The following THSD7B variants were observed in gnomAD, a reference collection of about 807,000 sequenced individuals.
THSD7B encodes the protein thrombospondin type 1 domain containing 7B.
Under a neutral mutation model 213.6 loss-of-function variants are expected in THSD7B, and 138 were observed. The ratio of observed to expected loss-of-function variants is 0.65; its 90% CI spans 0.56 to 0.74. THSD7B has a LOEUF of 0.74. THSD7B is among the 30% of genes least tolerant of loss of function. THSD7B has a pLI of 0.00. For missense variants in THSD7B, 1,931 were observed against 1,991.5 expected (o/e 0.97, Z 0.58); for synonymous variants, 742 against 687.0 (o/e 1.08, Z -1.25).
intron 15 of THSD7B, among the ~76,000 whole-genome samples, chr2:137,497,922 T>C (rs762679069): frequency 6.6e-6 from 1 of 152,198 alleles, no homozygotes; most frequent in Non-Finnish European, 1.5e-5. Flanking sequence ...ATTTTTCTAT[T>C]AAAATGAAGC....
intron 14 of THSD7B, among the ~76,000 whole-genome samples, chr2:137,444,010 C>A (rs926667711): frequency 2.6e-5 from 4 of 151,794 alleles, no homozygotes; most frequent in Non-Finnish European, 5.9e-5. Context: ...ATTATTTTGT[C>A]GATGCTGATG....
intron 1 of THSD7B, among the ~76,000 whole-genome samples, chr2:136,774,410 C>CT: frequency 6.6e-6 from 1 of 152,126 alleles, no homozygotes; most frequent in East Asian, 1.9e-4. Context: ...ATCTGAAGGT[C>CT]TTTTCTCAAG....
rs1055275282 is a variant in THSD7B, at chr2:137,264,814, AT to A, written c.2267-7711del. On this transcript the variant is annotated intron_variant, in intron 10 of 27. Transcript: ENST00000409968. The stretch of plus-strand genomic sequence containing the variant: ...AAAAGAGCCTTCTTTTTTTTTTTAA[AT>A]TTTTTTTATTTTTTATTTATTATTA... Among the ~76,000 whole-genome samples, 4 of 149,722 alleles carry A rather than the reference AT, an allele frequency of 2.7e-5. 1 individual carries two copies. Among genetic ancestry groups the A allele is most frequent in the Non-Finnish European group, 4.5e-5 (3 of 67,400 alleles).
At chr2:137,637,604 T>A (rs889595156) in intron 20 of THSD7B, among the ~76,000 whole-genome samples, 1 of 152,234 alleles carries the variant, frequency 6.6e-6, no homozygotes. Context: ...AGAAACCATA[T>A]GGCTGTGCTT....
intron 1 of THSD7B, among the ~76,000 whole-genome samples, chr2:136,833,458 G>GT (rs201421518): frequency 0.012 from 958 of 79,196 alleles, 7 homozygotes; most frequent in Middle Eastern, 0.056. Flanking sequence ...GCAATTAACT[G>GT]TTTGGTACTT....
intron 1 of THSD7B, among the ~76,000 whole-genome samples, chr2:136,863,211 C>T (rs934425785): frequency 2.0e-4 from 31 of 152,276 alleles, no homozygotes; most frequent in African/African-American, 6.5e-4. Context: ...CAGCCATTGG[C>T]GATTAGTTGG....
intron 12 of THSD7B, among the ~76,000 whole-genome samples, chr2:137,348,764 C>A (rs1442152621): frequency 1.5e-5 from 2 of 129,472 alleles, no homozygotes; most frequent in Admixed American, 1.8e-4. Context: ...GAGTGGAGGG[C>A]ACAAAAGTTT....
chr2:136,839,927 AT>A (rs1321915131), intron 1 of THSD7B, among the ~76,000 whole-genome samples: 1 of 152,218 alleles, frequency 6.6e-6, no homozygotes. Context: ...GTAAGCATTT[AT>A]TGAGTACCAG....
intron 1 of THSD7B, among the ~76,000 whole-genome samples, chr2:136,781,610 C>A (rs1406319511): frequency 6.6e-6 from 1 of 151,918 alleles, no homozygotes; most frequent in Non-Finnish European, 1.5e-5. Context: ...GTCTATATGT[C>A]CAGCTCCCTC....
intron 2 of THSD7B, among the ~76,000 whole-genome samples, chr2:136,987,628 C>T (rs1685693725): frequency 6.6e-6 from 1 of 152,194 alleles, no homozygotes; most frequent in Non-Finnish European, 1.5e-5. Flanking sequence ...TTTCCCACCA[C>T]TCAACTTAGG....
chr2:136,890,494 T>TTC (rs1378662306), intron 2 of THSD7B, among the ~76,000 whole-genome samples: 1 of 772 alleles, frequency 1.3e-3, no homozygotes, highest in African/African-American at 1.5e-3. Context: ...TTTCTTCTCC[T>TTC]TTCTTCTCCT....
intron 3 of THSD7B, among the ~76,000 whole-genome samples, chr2:137,073,655 T>C (rs1687551681): frequency 6.6e-6 from 1 of 152,226 alleles, no homozygotes; most frequent in African/African-American, 2.4e-5. Context: ...CTTGCTTCTC[T>C]AGTTCTTTTA....
chr2:136,951,495 A>C (rs1287757298), intron 2 of THSD7B, among the ~76,000 whole-genome samples: 2 of 152,242 alleles, frequency 1.3e-5, no homozygotes, highest in African/African-American at 4.8e-5. Context: ...TCTGGGGGAA[A>C]AATAGCAAAT....
chr2:137,354,079 C>T (rs1189550204), intron 12 of THSD7B, among the ~76,000 whole-genome samples: 3 of 151,924 alleles, frequency 2.0e-5, no homozygotes, highest in African/African-American at 4.8e-5. Flanking sequence ...GTATTTCCCT[C>T]CCCTCTGCTT....
At position 137,056,749 on chromosome 2, in the gene THSD7B, G is replaced by T; in HGVS notation, c.469G>T (p.Glu157Ter). ...GCTGAACCGAACTGTGGTTGCAAAT[G>T]AAATATGCGAACACTTTGCCCTTCA... ...QKLNRTVVAN[E>*]ICEHFALQPP... is the part of the protein sequence containing the mutation. The change falls in exon 3 of 28, where the codon GAA becomes TAA. Residue 157 changes from glutamate (E) to a stop codon, truncating the protein, a stop_gained. Coordinates refer to ENST00000409968, the MANE Select transcript of THSD7B (RefSeq NM_001316349.2). LOFTEE classifies it high-confidence loss of function. 6.2e-7 allele frequency: 1 copy of T among 1,613,996 alleles called. No homozygotes were observed. The highest frequency in any genetic ancestry group is 1.1e-5 in the South Asian group (1 of 91,076).
chr2:137,029,780 G>A (rs546893614), intron 2 of THSD7B, among the ~76,000 whole-genome samples: 3 of 152,228 alleles, frequency 2.0e-5, no homozygotes, highest in Middle Eastern at 3.4e-3. Context: ...TCATTATGCC[G>A]TGATTTCCTA....
At chr2:137,248,638 T>G (rs1303728177) in intron 10 of THSD7B, among the ~76,000 whole-genome samples, 1 of 152,072 alleles carries the variant, frequency 6.6e-6, no homozygotes, top group Non-Finnish European at 1.5e-5. Context: ...CCTCTTTACT[T>G]TCCCCTGTCA....
chr2:137,179,643 A>G (rs762351428), intron 7 of THSD7B, among the ~76,000 whole-genome samples: 3 of 151,678 alleles, frequency 2.0e-5, no homozygotes, highest in Non-Finnish European at 4.4e-5. Flanking sequence ...ACTTAATCTT[A>G]TAATCAAATA....
At chr2:137,554,558 A>G (rs1162290519) in intron 15 of THSD7B, among the ~76,000 whole-genome samples, 1 of 152,178 alleles carries the variant, frequency 6.6e-6, no homozygotes, top group Non-Finnish European at 1.5e-5. Context: ...AAAGGCTAAA[A>G]GAGGGGAGGC....
Sources: allele counts gnomAD v4.1 joint callset (sites outside exome capture counted in the v4.1 genomes callset), GRCh38; gene constraint gnomAD v4.1.1; transcripts MANE v1.5; gene names NCBI Gene and HGNC (gene_info 2026-07-23, HGNC 2026-07-21).